Variants in BRIP1 observed in about 807,000 individuals in gnomAD.
BRIP1 encodes the protein BRCA1 interacting DNA helicase 1.
BRIP1 carries 88 observed loss-of-function variants against 119.7 expected under a neutral mutation model. That is an observed-to-expected ratio of 0.74 (90% CI 0.62 to 0.88). The LOEUF (loss-of-function observed/expected upper bound fraction) is 0.88. Ranked by LOEUF, BRIP1 falls within the 40% of genes least tolerant of loss-of-function variation. BRIP1 has a pLI of 0.00. For missense variants in BRIP1, 1,259 were observed against 1,455.4 expected, an observed-to-expected ratio of 0.87 and a Z score of 2.20; for synonymous variants, 443 against 496.5, an observed-to-expected ratio of 0.89 and a Z score of 1.43.
Position 61,708,860 on chromosome 17 carries a change from C to T in BRIP1, c.2492+7091G>A, listed in dbSNP as rs1404466755. Among the ~76,000 whole-genome samples the T allele has an allele frequency of 1.3e-5, 2 of 152,122 alleles. No individual in the cohort carries two copies. Among genetic ancestry groups the T allele is most frequent in the Admixed American group, 6.6e-5 (1 of 15,266 alleles). The stretch of plus-strand genomic sequence containing the variant: ...TTTCCCTAAAAAGGAATTCTACACG[C>T]TTGGTAGATGTAAGACTGATTGTCA... On this transcript the variant is annotated intron_variant, in intron 17 of 19. Coordinates refer to ENST00000259008, the MANE Select transcript of BRIP1 (RefSeq NM_032043.3). The surrounding 1 kb of genome is among the most constrained non-coding windows in gnomAD (Gnocchi z 4.4).
rs1466600831 is a variant in BRIP1 at position 61,706,443 on chromosome 17, G to A, written c.2492+9508C>T. Among the ~76,000 whole-genome samples, 2 of 151,878 alleles carry A rather than the reference G, an allele frequency of 1.3e-5. No homozygotes were observed. Among genetic ancestry groups the A allele is most frequent in the Admixed American group, 6.6e-5 (1 of 15,246 alleles). On this transcript the variant is annotated intron_variant, in intron 17 of 19. Coordinates refer to ENST00000259008, the MANE Select transcript of BRIP1 (RefSeq NM_032043.3). This position sits in a 1 kb window ranked among gnomAD's most constrained non-coding sequence, Gnocchi z 5.7. ...ATTTTAACTTTTATCAAAGAAACAC[G>A]AACACATAGTTTTATGTTTTCAATG...
rs1010130638 is a variant in BRIP1 at position 61,769,248 on chromosome 17, C to A, written c.2097+7153G>T. On this transcript the variant is annotated intron_variant, in intron 14 of 19. Transcript: ENST00000259008. The surrounding 1 kb of genome is among the most constrained non-coding windows in gnomAD (Gnocchi z 4.9). ...AAGCCATGCCCAGACTCCTGACCCACAGAAAGAGTAAGATGATAAATGTGT... is the reference window on the plus strand; with the variant it reads ...AAGCCATGCCCAGACTCCTGACCCAAAGAAAGAGTAAGATGATAAATGTGT... 6.6e-6 allele frequency among the ~76,000 whole-genome samples: 1 copy of A among 152,144 alleles called. No individual in the cohort carries two copies. Among genetic ancestry groups the A allele is most frequent in the African/African-American group, 2.4e-5 (1 of 41,434 alleles).
rs2061656610 is a variant in BRIP1 at position 61,704,148 on chromosome 17, A to C, written c.2493-10636T>G. On this transcript the variant is annotated intron_variant, in intron 17 of 19. Transcript: ENST00000259008. This position sits in a 1 kb window ranked among gnomAD's most constrained non-coding sequence, Gnocchi z 5.7. ...TTATTGAACAAGGAGTCCTTTCCCC[A>C]TTGTTTATTTTTGCTAATTTTGTCA... Among the ~76,000 whole-genome samples the C allele has an allele frequency of 6.6e-6, 1 of 151,998 alleles. No homozygotes were observed. The highest frequency in any genetic ancestry group is 1.5e-5 in the Non-Finnish European group (1 of 67,972).
At chr17:61,711,535 C>T (rs1039944159) in intron 17 of BRIP1, among the ~76,000 whole-genome samples, 11 of 152,072 alleles carry the variant, frequency 7.2e-5, no homozygotes, top group African/African-American at 2.4e-4. Flanking sequence ...ACCTGAATCA[C>T]TCAGTTTGAA....
chr17:61,780,050 T>C lies in BRIP1; in HGVS notation c.1935+211A>G, dbSNP rs772426583. Among the ~76,000 whole-genome samples the C allele has an allele frequency of 6.6e-6, 1 of 152,206 alleles. No homozygotes were observed. The highest frequency in any genetic ancestry group is 1.5e-5 in the Non-Finnish European group (1 of 68,020). ...ACTTACTTAGAAGAAGAAGCTGAAA[T>C]ACAGCCTTTTGCATCCCAAGTGACT... On this transcript the variant is annotated intron_variant, in intron 13 of 19. Transcript: ENST00000259008. This position sits in a 1 kb window ranked among gnomAD's most constrained non-coding sequence, Gnocchi z 5.4.
At chr17:61,850,633 G>T (rs2078805819) in intron 4 of BRIP1, among the ~76,000 whole-genome samples, 1 of 151,692 alleles carries the variant, frequency 6.6e-6, no homozygotes, top group Non-Finnish European at 1.5e-5. Flanking sequence ...TTCAAGACCT[G>T]CCTGGGCAAC....
rs1348281072 is a variant in BRIP1 at position 61,729,035 on chromosome 17, C to G, written c.2380-12972G>C. On this transcript the variant is annotated intron_variant, in intron 16 of 19. Transcript: ENST00000259008. This position sits in a 1 kb window ranked among gnomAD's most constrained non-coding sequence, Gnocchi z 5.6. ...AGGACGGGCGGCTGTAACCCCAGCA[C>G]TTTGGGAGGCTGAGGCGGGCGGATC... 6.6e-6 allele frequency among the ~76,000 whole-genome samples: 1 copy of G among 152,130 alleles called. No homozygotes were observed. Among genetic ancestry groups the G allele is most frequent in the Non-Finnish European group, 1.5e-5 (1 of 68,016 alleles).
intron 17 of BRIP1, among the ~76,000 whole-genome samples, chr17:61,698,732 G>T (rs781525616): frequency 1.1e-4 from 16 of 144,802 alleles, no homozygotes; most frequent in Non-Finnish European, 2.4e-4. Context: ...ATTTTTTTTT[G>T]AGACAGGGTC....
rs1555609230 is a variant in BRIP1, at chr17:61,808,593, C to A, written c.792G>T (p.Arg264=). ...TTGGAACCCCTGAATATGCCGTCCT[C>A]CGGAGCTCTCTAGTAATCTGAGCAA... ...KQIAQITREL[R]RTAYSGVPMT... Residue 264 remains arginine (R), a synonymous_variant, in exon 7 of 20, where the codon CGG becomes CGT. Coordinates refer to ENST00000259008, the MANE Select transcript of BRIP1 (RefSeq NM_032043.3). This position sits in a 1 kb window ranked among gnomAD's most constrained non-coding sequence, Gnocchi z 4.1. 6.2e-7 allele frequency: 1 copy of A among 1,614,016 alleles called. No homozygotes were observed. The highest frequency in any genetic ancestry group is 8.5e-7 in the Non-Finnish European group (1 of 1,179,926).
At position 61,808,370 on chromosome 17, in the gene BRIP1, A is replaced by C; in HGVS notation, c.918+97T>G. 9 of 1,285,640 alleles carry C rather than the reference A, an allele frequency of 7.0e-6. No individual in the cohort carries two copies. Among genetic ancestry groups the C allele is most frequent in the Non-Finnish European group, 1.0e-5 (9 of 902,054 alleles). 79.6% of individuals were successfully genotyped at this position (1,285,640 alleles called of 1,614,324 possible). ...ACTAGCAGTTAATTTGATTTTCCGA[A>C]GTTGATTATCACTAAAATGTACATA... On this transcript the variant is annotated intron_variant, in intron 7 of 19. Transcript: ENST00000259008. The surrounding 1 kb of genome is among the most constrained non-coding windows in gnomAD (Gnocchi z 4.1).
At chr17:61,840,545 G>C (rs1383939809) in intron 6 of BRIP1, among the ~76,000 whole-genome samples, 1 of 152,136 alleles carries the variant, frequency 6.6e-6, no homozygotes, top group Non-Finnish European at 1.5e-5. Flanking sequence ...GGGAGGCCAA[G>C]GCAGGTGGAT....
intron 17 of BRIP1, among the ~76,000 whole-genome samples, chr17:61,707,961 C>T (rs890311829): frequency 5.9e-5 from 9 of 152,032 alleles, no homozygotes; most frequent in Non-Finnish European, 1.3e-4. Flanking sequence ...ATTCTCCTGC[C>T]TCAGCCTCCT....
intron 6 of BRIP1, among the ~76,000 whole-genome samples, chr17:61,840,598 G>A (rs1454291166): frequency 2.0e-5 from 3 of 151,972 alleles, no homozygotes; most frequent in Admixed American, 6.6e-5. Context: ...GCAACATAGC[G>A]AAACCTTGTC....
In BRIP1 at chr17:61,791,488, CAAA is replaced by C. The variant is rs529710126; in HGVS notation, c.1473+2106_1473+2108del. On this transcript the variant is annotated intron_variant, in intron 10 of 19. Transcript: ENST00000259008. ...TGGGCAACAGAGTGAGACTTCATCT[CAAA>C]AAAAAAAAAAAAAAAAAAAGAATTT... Among the ~76,000 whole-genome samples, 39 of 52,922 alleles carry C rather than the reference CAAA, an allele frequency of 7.4e-4. No homozygotes were observed. The South Asian group carries it at 0.013, about 18-fold the overall frequency. The allele number at this position is 52,922 out of a possible 152,430, so 34.7% of individuals were successfully genotyped here.
chr17:61,723,933 A>G (rs2062023899), intron 16 of BRIP1, among the ~76,000 whole-genome samples: 1 of 152,118 alleles, frequency 6.6e-6, no homozygotes, highest in African/African-American at 2.4e-5. Flanking sequence ...CTATCTCACC[A>G]CTGTCCTCAA....
chr17:61,772,208 T>TATAA (rs1555599843), intron 14 of BRIP1, among the ~76,000 whole-genome samples: 17 of 86,296 alleles, frequency 2.0e-4, no homozygotes, highest in African/African-American at 5.7e-4. Context: ...TATATATATA[T>TATAA]AAAATGAAAT....
chr17:61,858,105 T>C (rs1331416333), intron 3 of BRIP1, among the ~76,000 whole-genome samples: 3 of 151,940 alleles, frequency 2.0e-5, no homozygotes, highest in African/African-American at 7.2e-5. Flanking sequence ...TAGTGCTAAA[T>C]ATAATACCAA....
chr17:61,814,995 A>G lies in BRIP1; in HGVS notation c.628-6238T>C, dbSNP rs2078215595. Among the ~76,000 whole-genome samples the G allele has an allele frequency of 6.6e-6, 1 of 151,964 alleles. No individual in the cohort carries two copies. Among genetic ancestry groups the G allele is most frequent in the Non-Finnish European group, 1.5e-5 (1 of 67,912 alleles). ...TCCCCATAAAATTCTAAATAAGTTG[A>G]TGATAGAAATAAAAATATAAAACTT... On this transcript the variant is annotated intron_variant, in intron 6 of 19. Transcript: ENST00000259008. This position sits in a 1 kb window ranked among gnomAD's most constrained non-coding sequence, Gnocchi z 4.9.
rs1567755959 is a variant in BRIP1, at chr17:61,716,043, G to GT, written c.2399dup (p.Tyr800Ter). 6.2e-7 allele frequency: 1 copy of GT among 1,601,708 alleles called. No individual in the cohort carries two copies. Among genetic ancestry groups the GT allele is most frequent in the Admixed American group, 1.7e-5 (1 of 59,698 alleles). Residue 800 changes from tyrosine to a stop codon, truncating the protein, a stop_gained and frameshift_variant, in exon 17 of 20, where the codon TAC (tyrosine) becomes TAAC (stop). Coordinates refer to ENST00000259008, the MANE Select transcript of BRIP1 (RefSeq NM_032043.3). LOFTEE classifies it high-confidence loss of function. ...KDLQVELKRQ[Y>*]NDHHSKLRGL... ...CTCTCAATTTTGAATGGTGGTCATT[G>GT]TATTGTCGTTTTAGTTCAACCTAAT...
Sources: gnomAD v4.1 joint callset for allele counts (sites outside exome capture counted in the v4.1 genomes callset) on GRCh38, gnomAD v4.1.1 for gene constraint, Gnocchi (gnomAD v3.1) non-coding constraint, MANE v1.5 for transcripts, NCBI Gene and HGNC (gene_info 2026-07-23, HGNC 2026-07-21) for gene names.